Variants in DLG2 observed in about 807,000 individuals in gnomAD.
DLG2 encodes disks large homolog 2.
Under a neutral mutation model 132.5 loss-of-function variants are expected in DLG2, and 45 were observed. The ratio of observed to expected loss-of-function variants is 0.34; its 90% confidence interval spans 0.27 to 0.44. DLG2 has a LOEUF of 0.44. Among genes scored for constraint, DLG2 ranks in the 20% least tolerant of loss-of-function variants. DLG2 has a pLI of 1.00. For missense variants in DLG2, 1,045 were observed against 1,196.9 expected (o/e 0.87, Z 1.87); for synonymous variants, 424 against 419.6 (o/e 1.01, Z -0.13).
At chr11:83,925,704 A>T (rs2078845896) in intron 15 of DLG2, among the ~76,000 whole-genome samples, 2 of 152,114 alleles carry the variant, frequency 1.3e-5, no homozygotes, top group South Asian at 4.1e-4. Flanking sequence ...ATTAGCCTTC[A>T]TCTGGTTTAT....
At chr11:84,962,524 G>A (rs971123379) in intron 6 of DLG2, among the ~76,000 whole-genome samples, 1 of 152,140 alleles carries the variant, frequency 6.6e-6, no homozygotes, top group Non-Finnish European at 1.5e-5. Context: ...TCTTATGTGA[G>A]GCTTATTAAC....
chr11:84,229,848 A>C (rs751091557), intron 8 of DLG2, among the ~76,000 whole-genome samples: 2 of 152,230 alleles, frequency 1.3e-5, no homozygotes, highest in Non-Finnish European at 2.9e-5. Flanking sequence ...AAATTAATTA[A>C]CACATGTAAA....
chr11:83,882,805 G>T (rs956095403), intron 15 of DLG2, among the ~76,000 whole-genome samples: 10 of 152,246 alleles, frequency 6.6e-5, no homozygotes, highest in African/African-American at 2.2e-4. Flanking sequence ...ATGTCTAATA[G>T]GATTATCAAC....
At chr11:84,550,412 C>A (rs1388849538) in intron 6 of DLG2, among the ~76,000 whole-genome samples, 2 of 152,088 alleles carry the variant, frequency 1.3e-5, no homozygotes, top group Middle Eastern at 3.2e-3. Context: ...GTATCTTCCA[C>A]TTATGATGAT....
intron 5 of DLG2, among the ~76,000 whole-genome samples, chr11:85,149,215 T>C (rs1366899393): frequency 6.6e-6 from 1 of 152,196 alleles, no homozygotes; most frequent in Non-Finnish European, 1.5e-5. Context: ...TTGCTCAGGA[T>C]TGTCTTGGCT....
intron 2 of DLG2, among the ~76,000 whole-genome samples, chr11:85,603,249 T>G: frequency 6.6e-6 from 1 of 152,232 alleles, no homozygotes; most frequent in East Asian, 1.9e-4. Context: ...TTGTCAATAA[T>G]TAAACAATCA....
At chr11:85,150,010 AT>A (rs962380618) in intron 5 of DLG2, among the ~76,000 whole-genome samples, 1,139 of 112,288 alleles carry the variant, frequency 0.01, 3 homozygotes, top group African/African-American at 0.018. Flanking sequence ...TCAGTTTTTA[AT>A]TTTTTTTTTT....
intron 3 of DLG2, among the ~76,000 whole-genome samples, chr11:85,498,245 C>T (rs2153119962): frequency 6.6e-6 from 1 of 152,022 alleles, no homozygotes; most frequent in South Asian, 2.1e-4. Flanking sequence ...ATCTACAAAG[C>T]AAATGGAAAG....
intron 11 of DLG2, among the ~76,000 whole-genome samples, chr11:84,023,344 T>C (rs550345805): frequency 1.3e-5 from 2 of 152,254 alleles, no homozygotes; most frequent in East Asian, 1.9e-4. Context: ...AAGACAAACA[T>C]TGAGCAATAA....
chr11:84,614,830 C>T (rs1455306575), intron 6 of DLG2, among the ~76,000 whole-genome samples: 1 of 152,102 alleles, frequency 6.6e-6, no homozygotes, highest in Non-Finnish European at 1.5e-5. Flanking sequence ...TTTTGACCAT[C>T]TGGACAATCA....
chr11:83,562,397 C>T (rs923559766), intron 19 of DLG2, among the ~76,000 whole-genome samples: 12 of 152,048 alleles, frequency 7.9e-5, no homozygotes, highest in African/African-American at 2.7e-4. Context: ...ATAACTGACC[C>T]TGTGATGCCC....
chr11:83,749,970 A>C (rs2093196236), intron 18 of DLG2, among the ~76,000 whole-genome samples: 3 of 152,226 alleles, frequency 2.0e-5, no homozygotes, highest in Admixed American at 6.5e-5. Context: ...CCATTGAATA[A>C]ACATAATTCT....
At chr11:85,273,245 TTG>T (rs2077659761) in intron 4 of DLG2, among the ~76,000 whole-genome samples, 1 of 152,014 alleles carries the variant, frequency 6.6e-6, no homozygotes, top group Non-Finnish European at 1.5e-5. Flanking sequence ...AAAGCCAAAA[TTG>T]ACAAATGGGA....
intron 18 of DLG2, among the ~76,000 whole-genome samples, chr11:83,639,625 G>A (rs1244677376): frequency 1.3e-5 from 2 of 150,576 alleles, no homozygotes; most frequent in African/African-American, 4.9e-5. Flanking sequence ...GGGGATGGGG[G>A]AGGGATGGCA....
At chr11:85,493,818 G>A (rs1162585975) in intron 3 of DLG2, among the ~76,000 whole-genome samples, 2 of 146,468 alleles carry the variant, frequency 1.4e-5, no homozygotes, top group Non-Finnish European at 3.0e-5. Context: ...GAGGGAGGAA[G>A]GAAGGGAGGG....
intron 3 of DLG2, among the ~76,000 whole-genome samples, chr11:85,479,505 T>G (rs917075606): frequency 6.6e-6 from 1 of 152,174 alleles, no homozygotes; most frequent in African/African-American, 2.4e-5. Flanking sequence ...TATAACAGTA[T>G]CCATAAAAAC....
chr11:84,307,695 C>CCAAAAAAAAAAAAAAAAAAAAAAAAAA (rs2098237044), intron 7 of DLG2, among the ~76,000 whole-genome samples: 1 of 78,024 alleles, frequency 1.3e-5, no homozygotes, highest in Non-Finnish European at 2.6e-5. Context: ...GACGCAGTCT[C>CCAAAAAAAAAAAAAAAAAAAAAAAAAA]AAAAAAAAAA....
chr11:84,046,224 G>C (rs1440018445), intron 11 of DLG2, among the ~76,000 whole-genome samples: 4 of 151,518 alleles, frequency 2.6e-5, no homozygotes, highest in Non-Finnish European at 5.9e-5. Context: ...TTCAATTAAT[G>C]CTTTGTTAAA....
intron 3 of DLG2, among the ~76,000 whole-genome samples, chr11:85,467,073 C>T (rs376765918): frequency 1.2e-4 from 18 of 151,990 alleles, no homozygotes; most frequent in Admixed American, 5.9e-4. Context: ...TTTGAAGCAA[C>T]TGTGAATGGG....
Sources: allele counts gnomAD v4.1 joint callset (sites outside exome capture counted in the v4.1 genomes callset), GRCh38; gene constraint gnomAD v4.1.1; transcripts MANE v1.5; gene names NCBI Gene and HGNC (gene_info 2026-07-23, HGNC 2026-07-21).